MAP3K3: variants seen among roughly 807,000 people sequenced by gnomAD.
MAP3K3 encodes mitogen-activated protein kinase kinase kinase 3.
In MAP3K3, 12 loss-of-function variants were observed where a neutral mutation model predicts 80.9. That is an observed-to-expected ratio of 0.15 (90% CI 0.10 to 0.24). The LOEUF is 0.24. Ranked by LOEUF, MAP3K3 falls within the 10% of genes least tolerant of loss-of-function variation. The pLI is 1.00. For synonymous variants in MAP3K3, 272 were observed against 307.1 expected, an observed-to-expected ratio of 0.89 and a Z score of 1.19; for missense variants, 596 against 834.7, an observed-to-expected ratio of 0.71 and a Z score of 3.52.
chr17:63,660,835 A>G (rs1351716699), intron 5 of MAP3K3, among the ~76,000 whole-genome samples: 6 of 151,918 alleles, frequency 3.9e-5, no homozygotes, highest in Non-Finnish European at 7.4e-5. Flanking sequence ...ACCTCAGGTG[A>G]TCCGCCTGTC....
chr17:63,671,221 C>T (rs1207100916), intron 6 of MAP3K3, among the ~76,000 whole-genome samples: 3 of 151,728 alleles, frequency 2.0e-5, no homozygotes, highest in African/African-American at 7.3e-5. Context: ...CCTGGGGAGT[C>T]CCTTGGATCC....
At chr17:63,644,126 G>A (rs758455809) in intron 2 of MAP3K3, among the ~76,000 whole-genome samples, 3 of 152,044 alleles carry the variant, frequency 2.0e-5, no homozygotes, top group Admixed American at 6.6e-5. Context: ...CTTGGTTTGT[G>A]GTAAATGCTC....
chr17:63,622,911 C>T (rs968351906), intron 1 of MAP3K3, 148 bp downstream of exon 1: 1 of 146,638 alleles, frequency 6.8e-6, no homozygotes, highest in Non-Finnish European at 1.5e-5. Flanking sequence ...GCCGGCCGCC[C>T]GCCCCGCTCG....
intron 5 of MAP3K3, 32 bp from the exon 6 acceptor site, chr17:63,666,908 T>C (rs552196191): frequency 1.6e-5 from 25 of 1,611,464 alleles, no homozygotes; most frequent in South Asian, 3.3e-5. Context: ...TGTGTAAAGA[T>C]GTAGCTTGGC....
intron 6 of MAP3K3, among the ~76,000 whole-genome samples, chr17:63,678,688 C>T (rs1388579639): frequency 6.6e-6 from 1 of 152,186 alleles, no homozygotes; most frequent in African/African-American, 2.4e-5. Context: ...TCAGCACAAC[C>T]ACATGAACCA....
chr17:63,681,806 T>C lies in MAP3K3; in HGVS notation c.543T>C (p.Tyr181=). 1 of 1,547,800 alleles carries C rather than the reference T, an allele frequency of 6.5e-7. No homozygotes were observed. The highest frequency in any genetic ancestry group is 8.7e-7 in the Non-Finnish European group (1 of 1,143,250). ...NPGRSSPPPG[Y]VPERQQHIAR... Reference sequence around the variant, plus strand: ...GCCGAAGCTCACCTCCCCCTGGCTATGTTCCTGAGCGGCAGCAGCACATTG... The same window carrying C: ...GCCGAAGCTCACCTCCCCCTGGCTACGTTCCTGAGCGGCAGCAGCACATTG... The change falls in exon 7 of 16, where the codon TAT becomes TAC. Residue 181 remains tyrosine (Y), a synonymous_variant. Transcript: ENST00000361733.
At position 63,691,619 on chromosome 17, in the gene MAP3K3, C is replaced by T; in HGVS notation, c.1345-114C>T. The T allele has an allele frequency of 6.9e-7, 1 of 1,445,096 alleles. No individual in the cohort carries two copies. Among genetic ancestry groups the T allele is most frequent in the Non-Finnish European group, 9.4e-7 (1 of 1,067,690 alleles). 89.5% of individuals were successfully genotyped at this position (1,445,096 alleles called of 1,614,324 possible). A position where few individuals can be genotyped will look rare whatever the true frequency, so the allele number is the denominator to read the frequency against. ...GCTCCTGGCAAAATGCCCTGCCCAGCCAGATAGGAATTGAACAAATCACTC... is the reference window on the plus strand; with the variant it reads ...GCTCCTGGCAAAATGCCCTGCCCAGTCAGATAGGAATTGAACAAATCACTC... On this transcript the variant is annotated intron_variant, in intron 13 of 15. Coordinates refer to ENST00000361733, the MANE Select transcript of MAP3K3 (RefSeq NM_002401.5). This position sits in a 1 kb window ranked among gnomAD's most constrained non-coding sequence, Gnocchi z 4.8.
chr17:63,686,356 A>C (rs1228249075), intron 8 of MAP3K3, among the ~76,000 whole-genome samples: 2 of 152,230 alleles, frequency 1.3e-5, no homozygotes, highest in Non-Finnish European at 2.9e-5. Flanking sequence ...ACTGATGAGC[A>C]CTGTCTTCCC....
At chr17:63,624,817 T>G (rs1293267913) in intron 1 of MAP3K3, among the ~76,000 whole-genome samples, 1 of 152,258 alleles carries the variant, frequency 6.6e-6, no homozygotes, top group Non-Finnish European at 1.5e-5. Context: ...ATGACCTTGA[T>G]ACACTGTTAG....
At chr17:63,656,312 A>G (rs1035289713) in intron 4 of MAP3K3, among the ~76,000 whole-genome samples, 1 of 151,944 alleles carries the variant, frequency 6.6e-6, no homozygotes, top group African/African-American at 2.4e-5. Flanking sequence ...CCATACGTGT[A>G]TAAAATCTGA....
intron 5 of MAP3K3, among the ~76,000 whole-genome samples, chr17:63,663,395 G>C (rs536712965): frequency 1.4e-4 from 22 of 152,166 alleles, no homozygotes; most frequent in Non-Finnish European, 2.9e-4. Flanking sequence ...CCAGATACTC[G>C]GGAGGCTGAG....
At chr17:63,672,817 G>A (rs1354566360) in intron 6 of MAP3K3, 3 of 152,272 alleles carry the variant, frequency 2.0e-5, no homozygotes, top group Non-Finnish European at 4.4e-5. Flanking sequence ...AAGGGTAAGA[G>A]ACAGAAACCT....
At chr17:63,650,695 AGT>A (rs1491387503) in intron 3 of MAP3K3, among the ~76,000 whole-genome samples, 2 of 105,622 alleles carry the variant, frequency 1.9e-5, no homozygotes, top group African/African-American at 8.7e-5. Context: ...AGAGAGAGAG[AGT>A]TTTTTTTTTT....
intron 6 of MAP3K3, among the ~76,000 whole-genome samples, chr17:63,667,461 G>A (rs1568141645): frequency 6.6e-6 from 1 of 152,130 alleles, no homozygotes; most frequent in Non-Finnish European, 1.5e-5. Flanking sequence ...TGATTCCTGA[G>A]AAGTCTTTAT....
intron 5 of MAP3K3, among the ~76,000 whole-genome samples, chr17:63,662,922 G>T (rs990896713): frequency 6.6e-6 from 1 of 151,674 alleles, no homozygotes; most frequent in Admixed American, 6.6e-5. Context: ...TGATCTGACC[G>T]CCTTGGCCTC....
chr17:63,643,983 C>T lies in MAP3K3; in HGVS notation c.127-2051C>T, dbSNP rs1420369754. Among the ~76,000 whole-genome samples, 4 of 152,246 alleles carry T rather than the reference C, an allele frequency of 2.6e-5. No homozygotes were observed. In the South Asian group the frequency reaches 6.2e-4, roughly 24 times the overall value. Reference sequence around the variant, plus strand: ...CAAATCCTACCTCTTCCTTTACAAGCGATATGACCTGACCTTGGGGGAACT... The same window carrying T: ...CAAATCCTACCTCTTCCTTTACAAGTGATATGACCTGACCTTGGGGGAACT... On this transcript the variant is annotated intron_variant, in intron 2 of 15. Coordinates refer to ENST00000361733, the MANE Select transcript of MAP3K3 (RefSeq NM_002401.5).
In MAP3K3 at chr17:63,650,658, T is replaced by TAGAGAGAGAGAG. The variant is rs61412799; in HGVS notation, c.168-1872_168-1861dup. Among the ~76,000 whole-genome samples, 160 of 117,266 alleles carry TAGAGAGAGAGAG rather than the reference T, an allele frequency of 1.4e-3. 2 individuals carry two copies. The highest frequency in any genetic ancestry group is 5.0e-3 in the African/African-American group (151 of 30,382). 76.9% of individuals were successfully genotyped at this position (117,266 alleles called of 152,430 possible). ...AGACCTTCTCTCTCTCTGTCTCTTATAGAGAGAGAGAGAGAGAGAGAGAGA... is the reference window on the plus strand; with the variant it reads ...AGACCTTCTCTCTCTCTGTCTCTTATAGAGAGAGAGAGAGAGAGAGAGAGAGAGAGAGAGAGA... On this transcript the variant is annotated intron_variant, in intron 3 of 15. Transcript: ENST00000361733.
chr17:63,628,608 C>A (rs2034154137), intron 1 of MAP3K3, among the ~76,000 whole-genome samples: 2 of 152,214 alleles, frequency 1.3e-5, no homozygotes, highest in African/African-American at 4.8e-5. Flanking sequence ...GATCCACCTG[C>A]CTTAGCCTCC....
chr17:63,666,920 T>A lies in MAP3K3; in HGVS notation c.382-20T>A. 2 of 1,607,038 alleles carry A rather than the reference T, an allele frequency of 1.2e-6. No homozygotes were observed. Among genetic ancestry groups the A allele is most frequent in the Non-Finnish European group, 1.7e-6 (2 of 1,176,658 alleles). On this transcript the variant is annotated intron_variant, in intron 5 of 15. Coordinates refer to ENST00000361733, the MANE Select transcript of MAP3K3 (RefSeq NM_002401.5). ...GACTGTGTAAAGATGTAGCTTGGCC[T>A]TTTTCCTCTTCTTTTACAGAACAGT...
Sources: allele counts gnomAD v4.1 joint callset (sites outside exome capture counted in the v4.1 genomes callset), GRCh38; gene constraint gnomAD v4.1.1; non-coding constraint Gnocchi (gnomAD v3.1); transcripts MANE v1.5; gene names NCBI Gene and HGNC (gene_info 2026-07-23, HGNC 2026-07-21).